Variants in ADAMTSL1 observed in about 807,000 individuals in gnomAD.
ADAMTSL1 encodes ADAMTS-like protein 1.
A neutral mutation model predicts 201.8 loss-of-function variants in ADAMTSL1; 126 were observed. The ratio of observed to expected loss-of-function variants is 0.62; its 90% CI spans 0.54 to 0.72. The LOEUF (loss-of-function observed/expected upper bound fraction) is 0.72. Among genes scored for constraint, ADAMTSL1 ranks in the 30% least tolerant of loss-of-function variants. The probability of loss-of-function intolerance (pLI) is 0.00; values close to 1 mark genes in which losing one functional copy is unlikely to be tolerated. For missense variants in ADAMTSL1, 2,679 were observed against 2,277.8 expected (o/e 1.18, Z -3.59); for synonymous variants, 1,121 against 903.4 (o/e 1.24, Z -4.32).
At chr9:18,327,816 T>C (rs566816203) in intron 2 of ADAMTSL1, among the ~76,000 whole-genome samples, 1 of 152,206 alleles carries the variant, frequency 6.6e-6, no homozygotes, top group Non-Finnish European at 1.5e-5. Flanking sequence ...AAAAGAAATG[T>C]TAGGCAGAAA....
intron 5 of ADAMTSL1, among the ~76,000 whole-genome samples, chr9:18,633,151 G>C (rs987028046): frequency 6.6e-6 from 1 of 152,228 alleles, no homozygotes; most frequent in Non-Finnish European, 1.5e-5. Flanking sequence ...GGGCCAAACA[G>C]AAAGCTTTCC....
At chr9:18,348,944 A>G (rs2133012388) in intron 2 of ADAMTSL1, among the ~76,000 whole-genome samples, 1 of 152,332 alleles carries the variant, frequency 6.6e-6, no homozygotes, top group Non-Finnish European at 1.5e-5. Context: ...AAGTATTTAC[A>G]TATATTATCT....
chr9:18,624,732 A>T (rs1826249047), intron 5 of ADAMTSL1, among the ~76,000 whole-genome samples: 2 of 152,180 alleles, frequency 1.3e-5, no homozygotes, highest in South Asian at 2.1e-4. Flanking sequence ...CAAAACAAAG[A>T]TGGAGAAGCT....
chr9:18,144,954 G>C (rs1826567536), intron 1 of ADAMTSL1, among the ~76,000 whole-genome samples: 1 of 152,172 alleles, frequency 6.6e-6, no homozygotes, highest in Non-Finnish European at 1.5e-5. Context: ...CAGGTCAGCA[G>C]GCTGCCTCAT....
In ADAMTSL1 at chr9:18,133,714, G is replaced by A. The variant is rs116148209; in HGVS notation, c.88-30148G>A. Among the ~76,000 whole-genome samples, 185 of 152,172 alleles carry A rather than the reference G, an allele frequency of 1.2e-3. 1 individual carries two copies. Among genetic ancestry groups the A allele is most frequent in the African/African-American group, 4.0e-3 (168 of 41,534 alleles). ...CCAAATTCTGAACCCAGAGTTCTTA[G>A]CCCTGTTCATGGATCAGAATCCCCT... On this transcript the variant is annotated intron_variant, in intron 1 of 29. Coordinates refer to the ADAMTSL1 transcript ENST00000680146.
chr9:17,967,975 A>G (rs1432171590), intron 1 of ADAMTSL1, among the ~76,000 whole-genome samples: 1 of 152,042 alleles, frequency 6.6e-6, no homozygotes, highest in African/African-American at 2.4e-5. Context: ...GAACTGTTCC[A>G]TCTCATTCTC....
chr9:18,631,735 T>C (rs1278620464), intron 5 of ADAMTSL1, among the ~76,000 whole-genome samples: 5 of 152,324 alleles, frequency 3.3e-5, no homozygotes, highest in African/African-American at 1.2e-4. Flanking sequence ...TTGTGTGATA[T>C]ACATATAGAT....
intron 1 of ADAMTSL1, among the ~76,000 whole-genome samples, chr9:18,051,592 T>A (rs560506825): frequency 9.7e-4 from 148 of 151,908 alleles, no homozygotes; most frequent in African/African-American, 3.5e-3. Flanking sequence ...ATTAAGTGGG[T>A]ATTCTGCAAA....
chr9:18,473,524 C>T (rs1044123628), upstream of ADAMTSL1, among the ~76,000 whole-genome samples: 1 of 152,076 alleles, frequency 6.6e-6, no homozygotes, highest in Non-Finnish European at 1.5e-5. Flanking sequence ...ATAACTTATG[C>T]CACTGTTTAG....
chr9:17,946,275 A>C (rs1827470854), intron 1 of ADAMTSL1, among the ~76,000 whole-genome samples: 1 of 152,034 alleles, frequency 6.6e-6, no homozygotes, highest in Non-Finnish European at 1.5e-5. Flanking sequence ...TTTGGATTAC[A>C]GGCTTGAACC....
intron 2 of ADAMTSL1, among the ~76,000 whole-genome samples, chr9:18,354,983 A>C (rs556724693): frequency 6.6e-6 from 1 of 151,598 alleles, no homozygotes; most frequent in South Asian, 2.1e-4. Context: ...TAAATAAACA[A>C]ACAAACAAAC....
intron 20 of ADAMTSL1, among the ~76,000 whole-genome samples, chr9:18,809,395 G>C (rs1325385420): frequency 6.6e-6 from 1 of 152,182 alleles, no homozygotes; most frequent in Non-Finnish European, 1.5e-5. Flanking sequence ...GGAAAGGAAG[G>C]CCAGTGTGCT....
chr9:18,729,073 T>G (rs1171041284), intron 15 of ADAMTSL1, among the ~76,000 whole-genome samples: 1 of 152,160 alleles, frequency 6.6e-6, no homozygotes, highest in Non-Finnish European at 1.5e-5. Context: ...ATTGAAAAAT[T>G]AATGCCCTCC....
At chr9:18,352,158 C>T (rs746508656) in intron 2 of ADAMTSL1, among the ~76,000 whole-genome samples, 23 of 151,928 alleles carry the variant, frequency 1.5e-4, no homozygotes, top group Non-Finnish European at 3.1e-4. Context: ...ATAGTGTTAT[C>T]CTTAGTGCAT....
intron 3 of ADAMTSL1, among the ~76,000 whole-genome samples, chr9:18,540,480 T>C (rs1200063507): frequency 1.3e-5 from 2 of 152,098 alleles, no homozygotes; most frequent in Admixed American, 1.3e-4. Context: ...CCTTAGTATG[T>C]TTGGAAGGTG....
chr9:18,472,672 C>T (rs541758846), upstream of ADAMTSL1, among the ~76,000 whole-genome samples: 2 of 152,292 alleles, frequency 1.3e-5, no homozygotes, highest in South Asian at 4.1e-4. Context: ...CCCATTATGG[C>T]TTGATCAGGT....
At chr9:18,355,947 G>A (rs1379767284) in intron 2 of ADAMTSL1, among the ~76,000 whole-genome samples, 1 of 152,228 alleles carries the variant, frequency 6.6e-6, no homozygotes, top group Non-Finnish European at 1.5e-5. Flanking sequence ...CCCTGCCTGG[G>A]CCTTGCTTGG....
At chr9:18,828,423 A>G (rs911524299) in intron 22 of ADAMTSL1, among the ~76,000 whole-genome samples, 1 of 151,744 alleles carries the variant, frequency 6.6e-6, no homozygotes, top group Admixed American at 6.6e-5. Flanking sequence ...ATTGAGGAGG[A>G]GAGAAAGAGA....
rs534702054 is a variant in ADAMTSL1, at chr9:18,891,320, G to A, written c.4644-1069G>A. On this transcript the variant is annotated intron_variant, in intron 25 of 28. Transcript: ENST00000380548. ...ACTGGGTAACCCCGCTGTGACCCAG[G>A]TAGCTGTTTTTTAACCGTTTTGTTA... is the stretch of plus-strand genomic sequence containing the variant. Among the ~76,000 whole-genome samples, 82 of 152,310 alleles carry A rather than the reference G, an allele frequency of 5.4e-4. No homozygotes were observed. The South Asian group carries it at 0.017, about 31-fold the overall frequency.
Sources: gnomAD v4.1 joint callset for allele counts (sites outside exome capture counted in the v4.1 genomes callset) on GRCh38, gnomAD v4.1.1 for gene constraint, MANE v1.5 for transcripts, NCBI Gene and HGNC (gene_info 2026-07-23, HGNC 2026-07-21) for gene names.